Variants in ZNF33B observed in about 807,000 individuals in gnomAD.
The protein encoded by ZNF33B is zinc finger protein 11b (KOX 2).
A neutral mutation model predicts 45.8 loss-of-function variants in ZNF33B; 29 were observed. The ratio of observed to expected loss-of-function variants is 0.63; its 90% confidence interval spans 0.47 to 0.86. ZNF33B has a LOEUF of 0.86. ZNF33B is among the 40% of genes least tolerant of loss of function. The pLI, the probability that ZNF33B is intolerant of heterozygous loss-of-function variation, is 0.00. For missense variants in ZNF33B, 831 were observed against 909.9 expected (o/e 0.91, Z 1.12); for synonymous variants, 305 against 307.8 (o/e 0.99, Z 0.10).
chr10:42,581,067 C>T (rs1459914841), intron 1 of ZNF33B, among the ~76,000 whole-genome samples: 2 of 152,210 alleles, frequency 1.3e-5, no homozygotes, highest in East Asian at 3.9e-4. Flanking sequence ...ATATCAAATG[C>T]TATAATCCTG....
intron 1 of ZNF33B, among the ~76,000 whole-genome samples, chr10:42,576,938 G>C (rs1836756768): frequency 6.6e-6 from 1 of 152,052 alleles, no homozygotes; most frequent in Admixed American, 6.6e-5. Context: ...TTTGAGACCA[G>C]CCTGACCAAC....
Position 42,592,814 on chromosome 10 carries a change from G to A in ZNF33B, c.2136C>T (p.His712=). The change falls in exon 5 of 5, where the codon CAC becomes CAT. Residue 712 remains histidine, a synonymous_variant. Transcript: ENST00000359467. ...FSHKSSLTVH[H]RAHTGEKSCQ... is the part of the protein sequence containing the mutation. ...AAGATTTCTCTCCTGTGTGAGCCCT[G>A]TGATGTACTGTGAGTGATGATTTGT... The A allele has an allele frequency of 6.2e-7, 1 of 1,614,072 alleles. No individual in the cohort carries two copies. Among genetic ancestry groups the A allele is most frequent in the Non-Finnish European group, 8.5e-7 (1 of 1,179,986 alleles).
At chr10:42,598,186 A>C (rs1477918716) in intron 4 of ZNF33B, among the ~76,000 whole-genome samples, 1 of 152,238 alleles carries the variant, frequency 6.6e-6, no homozygotes, top group Admixed American at 6.5e-5. Flanking sequence ...GCCTTAACAC[A>C]ATGTCCACAA....
At chr10:42,620,496 GGGC>G (rs1356907953) in intron 4 of ZNF33B, among the ~76,000 whole-genome samples, 6 of 151,956 alleles carry the variant, frequency 3.9e-5, no homozygotes, top group Admixed American at 3.9e-4. Flanking sequence ...TTGACTTCCT[GGGC>G]TCAAGGGATC....
In ZNF33B at chr10:42,593,864, A is replaced by G. The variant is rs1248894931; in HGVS notation, c.1086T>C (p.Cys362=). 3 of 1,614,070 alleles carry G rather than the reference A, an allele frequency of 1.9e-6. No individual in the cohort carries two copies. Among genetic ancestry groups the G allele is most frequent in the Non-Finnish European group, 2.5e-6 (3 of 1,179,964 alleles). ...TTGACTTCTCCCAGAAAGTTTTTCC[A>G]CATTGATTACATTGAAAGTGTTTCT... ...TGEKHFQCNQ[C]GKTFWEKSNL... Residue 362 remains cysteine (C), a synonymous_variant, in exon 5 of 5, where the codon TGT becomes TGC. Coordinates refer to ENST00000359467, the MANE Select transcript of ZNF33B (RefSeq NM_006955.3).
downstream of ZNF33B, among the ~76,000 whole-genome samples, chr10:42,587,881 T>C (rs1836968084): frequency 6.6e-6 from 1 of 152,186 alleles, no homozygotes; most frequent in African/African-American, 2.4e-5. Flanking sequence ...CAGGAAATCA[T>C]GTGTAGTGGC....
chr10:42,592,553 T>A lies in ZNF33B; in HGVS notation c.*60A>T. 6.4e-7 allele frequency: 1 copy of A among 1,562,092 alleles called. No homozygotes were observed. Among genetic ancestry groups the A allele is most frequent in the Non-Finnish European group, 8.7e-7 (1 of 1,154,136 alleles). ...GATGTCAACAGGCCCTTCTCCACAG[T>A]GTGAAGACTCTGAGGCATTATGGAG... On this transcript the variant is annotated 3_prime_UTR_variant, in exon 5 of 5. Coordinates refer to ENST00000359467, the MANE Select transcript of ZNF33B (RefSeq NM_006955.3).
At position 42,593,055 on chromosome 10, in the gene ZNF33B, A is replaced by T. The variant is rs754044005; in HGVS notation, c.1895T>A (p.Ile632Lys). Residue 632 changes from isoleucine (I) to lysine (K), a missense_variant, in exon 5 of 5, where the codon ATA becomes AAA. Physicochemically the swap from Ile to Lys is moderately radical, Grantham distance 102. Transcript: ENST00000359467. ...SQLTQHQRIHIGEKPYECNEC... is the reference protein window; with the variant it reads ...SQLTQHQRIHKGEKPYECNEC... ...ATTACATTCATAGGGTTTCTCCCCTATGTGAATTCTCTGATGCTGAGTGAG... is the reference window on the plus strand; with the variant it reads ...ATTACATTCATAGGGTTTCTCCCCTTTGTGAATTCTCTGATGCTGAGTGAG... 6.2e-7 allele frequency: 1 copy of T among 1,613,758 alleles called. No individual in the cohort carries two copies. Among genetic ancestry groups the T allele is most frequent in the Admixed American group, 1.7e-5 (1 of 60,000 alleles).
At chr10:42,607,965 A>G (rs542300698) in intron 4 of ZNF33B, among the ~76,000 whole-genome samples, 2 of 152,324 alleles carry the variant, frequency 1.3e-5, no homozygotes, top group South Asian at 4.1e-4. Flanking sequence ...TGTGCTATCT[A>G]TAAGAGATAG....
chr10:42,609,101 A>T (rs1281758146), intron 4 of ZNF33B, among the ~76,000 whole-genome samples: 1 of 152,190 alleles, frequency 6.6e-6, no homozygotes, highest in Non-Finnish European at 1.5e-5. Flanking sequence ...AAGTAAAAAG[A>T]TTGAAGTTGT....
intron 2 of ZNF33B, 109 bp downstream of exon 2, chr10:42,636,811 G>A (rs1839325402): frequency 2.0e-6 from 3 of 1,494,620 alleles, no homozygotes; most frequent in Non-Finnish European, 2.8e-6. Flanking sequence ...CTGGGCGACA[G>A]AGCGAGACTC....
intron 4 of ZNF33B, among the ~76,000 whole-genome samples, chr10:42,603,624 G>T (rs1234051699): frequency 2.0e-5 from 3 of 152,172 alleles, no homozygotes; most frequent in Non-Finnish European, 4.4e-5. Flanking sequence ...CTCAAAGACA[G>T]CCCTCTAGAA....
rs553957275 is a variant in ZNF33B at position 42,611,071 on chromosome 10, G to A, written c.251-16372C>T. Among the ~76,000 whole-genome samples, 23 of 152,212 alleles carry A rather than the reference G, an allele frequency of 1.5e-4. No individual in the cohort carries two copies. The South Asian group carries it at 2.5e-3, about 16-fold the overall frequency. ...TGAAAAATCCCCTTTTTGGCTGGTC[G>A]TGGTAGCTCACGCCTGTAATCCTAG... is the stretch of plus-strand genomic sequence containing the variant. On this transcript the variant is annotated intron_variant, in intron 4 of 4. Coordinates refer to ENST00000359467, the MANE Select transcript of ZNF33B (RefSeq NM_006955.3).
intron 4 of ZNF33B, among the ~76,000 whole-genome samples, chr10:42,630,994 G>GA (rs921296533): frequency 6.6e-6 from 1 of 152,092 alleles, no homozygotes; most frequent in Non-Finnish European, 1.5e-5. Context: ...TACCCCTGCT[G>GA]AAAAGAGGCA....
intron 4 of ZNF33B, among the ~76,000 whole-genome samples, chr10:42,597,458 A>G (rs1048317110): frequency 1.3e-5 from 2 of 152,158 alleles, no homozygotes; most frequent in Non-Finnish European, 2.9e-5. Flanking sequence ...GTTTGTTAAT[A>G]TGATACCTTG....
At chr10:42,601,755 A>G (rs912144300) in intron 4 of ZNF33B, among the ~76,000 whole-genome samples, 2 of 151,952 alleles carry the variant, frequency 1.3e-5, no homozygotes, top group African/African-American at 4.8e-5. Context: ...TACAGGCATG[A>G]GCCACTGCAA....
intron 1 of ZNF33B, chr10:42,582,919 T>C: frequency 2.0e-6 from 1 of 503,680 alleles, no homozygotes; most frequent in Non-Finnish European, 3.6e-6. Flanking sequence ...TCCAAATTTG[T>C]TGCAGAGAAT....
At chr10:42,576,958 C>A (rs1836757100) in intron 1 of ZNF33B, among the ~76,000 whole-genome samples, 1 of 151,920 alleles carries the variant, frequency 6.6e-6, no homozygotes, top group South Asian at 2.1e-4. Flanking sequence ...CAAGATGAAA[C>A]CCTGTCTCTA....
chr10:42,594,791 ACT>A (rs1837328439), intron 4 of ZNF33B, 92 bp from the exon 5 acceptor site: 1 of 1,377,202 alleles, frequency 7.3e-7, no homozygotes, highest in Non-Finnish European at 9.5e-7. Context: ...GTTGTAGCTG[ACT>A]CTGGTTTTTT....
Sources: gnomAD v4.1 joint callset for allele counts (sites outside exome capture counted in the v4.1 genomes callset) on GRCh38, gnomAD v4.1.1 for gene constraint, MANE v1.5 for transcripts, NCBI Gene and HGNC (gene_info 2026-07-23, HGNC 2026-07-21) for gene names.